RICTOR: variants seen among roughly 807,000 people sequenced by gnomAD.
The protein encoded by RICTOR is rapamycin-insensitive companion of mTOR.
Under a neutral mutation model 214.9 loss-of-function variants are expected in RICTOR, and 49 were observed. The observed-to-expected ratio is 0.23, with a 90% CI of 0.18 to 0.29. RICTOR has a LOEUF of 0.29. Among genes scored for constraint, RICTOR ranks in the 10% least tolerant of loss-of-function variants. The pLI, the probability that RICTOR is intolerant of heterozygous loss-of-function variation, is 1.00. For synonymous variants in RICTOR, 717 were observed against 711.3 expected (o/e 1.01, Z -0.13); for missense variants, 1,625 against 2,047.0 (o/e 0.79, Z 3.98).
rs969590924 is a variant in RICTOR at position 39,035,843 on chromosome 5, T to G, written c.98-14707A>C. On this transcript the variant is annotated intron_variant, in intron 2 of 37. Coordinates refer to ENST00000357387, the MANE Select transcript of RICTOR (RefSeq NM_152756.5). Reference sequence around the variant, plus strand: ...AAAAGACCAAATCTACGTCTGATTGTTGTACCTGAAAGTGACGGGGAGAAT... The same window carrying G: ...AAAAGACCAAATCTACGTCTGATTGGTGTACCTGAAAGTGACGGGGAGAAT... 1.6e-4 allele frequency among the ~76,000 whole-genome samples: 24 copies of G among 152,300 alleles called. No homozygotes were observed. The South Asian group carries it at 1.7e-3, about 11-fold the overall frequency.
chr5:39,025,838 A>AT (rs1184319165), intron 2 of RICTOR, among the ~76,000 whole-genome samples: 1 of 152,114 alleles, frequency 6.6e-6, no homozygotes, highest in Non-Finnish European at 1.5e-5. Flanking sequence ...TGACATATTA[A>AT]TTTTTGAATG....
intron 2 of RICTOR, among the ~76,000 whole-genome samples, chr5:39,053,890 C>CAAAA (rs35354716): frequency 1.3e-5 from 1 of 78,366 alleles, no homozygotes; most frequent in African/African-American, 6.0e-5. Flanking sequence ...GACTCCGTCT[C>CAAAA]AAAAAAAAAA....
In RICTOR at chr5:38,996,820, T is replaced by C. The variant is rs1200905110; in HGVS notation, c.455A>G (p.Lys152Arg). 6.2e-7 allele frequency: 1 copy of C among 1,605,632 alleles called. No homozygotes were observed. Among genetic ancestry groups the C allele is most frequent in the Admixed American group, 1.7e-5 (1 of 59,920 alleles). The change falls in exon 6 of 38, where the codon AAG becomes AGG. Residue 152 changes from lysine (K) to arginine (R), a missense_variant and splice_region_variant. By Grantham distance (26) the Lys-to-Arg change is conservative. This residue lies in a region of RICTOR where 258 missense variants were observed against 393.7 expected (regional missense o/e 0.66). Coordinates refer to ENST00000357387, the MANE Select transcript of RICTOR (RefSeq NM_152756.5). ...ERTQALRLVR[K>R]MITVNASLFP... ...TTTACTCTCACACATAGAGCATACCTTTCTGACTAATCGAAGTGCTTGTGT... is the reference window on the plus strand; with the variant it reads ...TTTACTCTCACACATAGAGCATACCCTTCTGACTAATCGAAGTGCTTGTGT...
chr5:38,979,492 A>G (rs939772375), intron 8 of RICTOR, among the ~76,000 whole-genome samples: 1 of 152,102 alleles, frequency 6.6e-6, no homozygotes, highest in Non-Finnish European at 1.5e-5. Flanking sequence ...TCTTTGTTTT[A>G]GGTCATTTTC....
intron 5 of RICTOR, 129 bp from the exon 6 acceptor site, chr5:38,997,011 C>A: frequency 1.5e-6 from 1 of 668,512 alleles, no homozygotes. Context: ...TATATGATTT[C>A]TCAGTACCAG....
At chr5:39,046,028 A>T (rs199507244) in intron 2 of RICTOR, among the ~76,000 whole-genome samples, 1 of 140,236 alleles carries the variant, frequency 7.1e-6, no homozygotes, top group Non-Finnish European at 1.5e-5. Flanking sequence ...TCTGTCTTTA[A>T]AAATAAATAA....
chr5:39,074,020 G>C, intron 2 of RICTOR, 91 bp downstream of exon 2: 2 of 948,550 alleles, frequency 2.1e-6, no homozygotes, highest in Non-Finnish European at 2.8e-6. Context: ...CCGGTCCCGT[G>C]CGGGGCCCGC....
intron 1 of RICTOR, 22 bp from the exon 2 acceptor site, chr5:39,074,180 C>T: frequency 6.3e-7 from 1 of 1,592,694 alleles, no homozygotes; most frequent in Non-Finnish European, 8.5e-7. Flanking sequence ...AGACACACAG[C>T]CCCAATTAGG....
chr5:39,012,762 G>T (rs896141953), intron 3 of RICTOR, among the ~76,000 whole-genome samples: 1 of 152,144 alleles, frequency 6.6e-6, no homozygotes, highest in Non-Finnish European at 1.5e-5. Context: ...AGCGTTTACA[G>T]TCACATAAAA....
intron 2 of RICTOR, among the ~76,000 whole-genome samples, chr5:39,032,894 A>C (rs16867992): frequency 0.045 from 6,849 of 152,224 alleles, 284 homozygotes; most frequent in African/African-American, 0.1. Flanking sequence ...TTGGGGAACA[A>C]CTTTGTCATT....
intron 2 of RICTOR, among the ~76,000 whole-genome samples, chr5:39,052,969 A>C (rs926871485): frequency 5.9e-5 from 9 of 152,232 alleles, no homozygotes; most frequent in Non-Finnish European, 8.8e-5. Context: ...GATAAATATC[A>C]AATAAATAAC....
intron 2 of RICTOR, among the ~76,000 whole-genome samples, chr5:39,047,318 G>A (rs1757561148): frequency 6.6e-6 from 1 of 152,110 alleles, no homozygotes; most frequent in Admixed American, 6.6e-5. Flanking sequence ...CATAAGGAGG[G>A]CACGACCTAG....
intron 8 of RICTOR, among the ~76,000 whole-genome samples, chr5:38,980,348 C>T (rs1751608688): frequency 6.6e-6 from 1 of 152,052 alleles, no homozygotes. Context: ...GTGATGTTAT[C>T]TCCCACTAGA....
chr5:39,009,129 A>C (rs927081959), intron 3 of RICTOR, among the ~76,000 whole-genome samples: 1 of 152,156 alleles, frequency 6.6e-6, no homozygotes, highest in Non-Finnish European at 1.5e-5. Flanking sequence ...ACAAATATAC[A>C]AAGTCTTGTC....
chr5:38,992,034 C>A (rs569893281), intron 6 of RICTOR, among the ~76,000 whole-genome samples: 4 of 151,976 alleles, frequency 2.6e-5, no homozygotes, highest in Non-Finnish European at 5.9e-5. Flanking sequence ...GAAAGACACA[C>A]AATTAAGTCT....
intron 2 of RICTOR, among the ~76,000 whole-genome samples, chr5:39,027,477 G>A (rs532728244): frequency 5.9e-5 from 9 of 151,682 alleles, no homozygotes; most frequent in Non-Finnish European, 1.0e-4. Flanking sequence ...AATGGAAAAA[G>A]CAGTTTAAAA....
chr5:39,047,580 T>C (rs140249382), intron 2 of RICTOR, among the ~76,000 whole-genome samples: 28 of 152,352 alleles, frequency 1.8e-4, no homozygotes, highest in African/African-American at 6.5e-4. Context: ...CCTGTTTTTA[T>C]ACAAAATTAG....
chr5:39,032,793 G>C (rs965901022), intron 2 of RICTOR, among the ~76,000 whole-genome samples: 1 of 152,204 alleles, frequency 6.6e-6, no homozygotes, highest in Non-Finnish European at 1.5e-5. Flanking sequence ...CTTCTTGAGA[G>C]GCAATGATAC....
intron 3 of RICTOR, among the ~76,000 whole-genome samples, chr5:39,016,086 A>G (rs1754918448): frequency 6.6e-6 from 1 of 152,200 alleles, no homozygotes; most frequent in Non-Finnish European, 1.5e-5. Context: ...CACTCTTAGA[A>G]TAGACAAATT....
Sources: allele counts gnomAD v4.1 joint callset (sites outside exome capture counted in the v4.1 genomes callset), GRCh38; gene constraint gnomAD v4.1.1; regional missense constraint gnomAD v4.1.1; transcripts MANE v1.5; gene names NCBI Gene and HGNC (gene_info 2026-07-23, HGNC 2026-07-21).